Variants in PRCC observed in about 807,000 individuals in gnomAD.
PRCC encodes the protein proline rich mitotic checkpoint control factor, also known as proline-rich protein PRCC.
Under a neutral mutation model 44.0 loss-of-function variants are expected in PRCC, and 10 were observed. The ratio of observed to expected loss-of-function variants is 0.23; its 90% CI spans 0.14 to 0.39. PRCC has a LOEUF of 0.39. PRCC is among the 10% of genes least tolerant of loss of function. The pLI, the probability that PRCC is intolerant of heterozygous loss-of-function variation, is 1.00. For synonymous variants in PRCC, 278 were observed against 259.5 expected (o/e 1.07, Z -0.69); for missense variants, 573 against 624.7 (o/e 0.92, Z 0.88).
chr1:156,783,451 A>G (rs1035235913), intron 2 of PRCC, among the ~76,000 whole-genome samples: 1 of 152,180 alleles, frequency 6.6e-6, no homozygotes, highest in Non-Finnish European at 1.5e-5. Flanking sequence ...TCCTGCTTTT[A>G]TAAAGTGGCT....
chr1:156,780,948 C>T (rs1652028093), intron 1 of PRCC, among the ~76,000 whole-genome samples: 1 of 152,102 alleles, frequency 6.6e-6, no homozygotes, highest in South Asian at 2.1e-4. Context: ...AGGATGGTCT[C>T]AAACTCCTGA....
chr1:156,800,620 A>G lies in PRCC; in HGVS notation c.*160A>G. 1.5e-6 allele frequency: 1 copy of G among 687,800 alleles called. No individual in the cohort carries two copies. The highest frequency in any genetic ancestry group is 2.0e-5 in the South Asian group (1 of 50,326). The allele number at this position is 687,800 out of a possible 1,614,324, so 42.6% of individuals were successfully genotyped here. ...TGAACATATTTGATAGATTTTTCTT[A>G]ACAAGTTAGAAAATTCAGCTCCTTT... On this transcript the variant is annotated 3_prime_UTR_variant, in exon 7 of 7. Transcript: ENST00000271526.
chr1:156,800,310 G>T, intron 6 of PRCC, 64 bp from the exon 7 acceptor site: 1 of 1,485,220 alleles, frequency 6.7e-7, no homozygotes, highest in Non-Finnish European at 9.4e-7. Context: ...GCTCACAGAG[G>T]CAAGAGGACA....
In PRCC at chr1:156,786,959, C is replaced by CCATA. The variant is rs1652270552; in HGVS notation, c.870_873dup (p.Pro292IlefsTer10). On this transcript the variant is annotated frameshift_variant, in exon 3 of 7. Coordinates refer to ENST00000271526, the MANE Select transcript of PRCC (RefSeq NM_005973.5). LOFTEE classifies it high-confidence loss of function. ...AAAGGCTGAGCCACCTGGAGTTGAG[C>CCATA]CATACCCTTACCCCATCCCCACTGT... is the stretch of plus-strand genomic sequence containing the variant. The CCATA allele has an allele frequency of 6.2e-7, 1 of 1,614,084 alleles. No individual in the cohort carries two copies.
At chr1:156,779,103 AATATATAT>A (rs1491379076) in intron 1 of PRCC, among the ~76,000 whole-genome samples, 3 of 28,004 alleles carry the variant, frequency 1.1e-4, no homozygotes, top group Admixed American at 5.4e-4. Context: ...CCGGCCGGGT[AATATATAT>A]ATATATATAT....
At chr1:156,782,821 A>G (rs1220077145) in intron 2 of PRCC, among the ~76,000 whole-genome samples, 1 of 152,148 alleles carries the variant, frequency 6.6e-6, no homozygotes, top group Admixed American at 6.5e-5. Flanking sequence ...TCCCTGTTTT[A>G]CATATGAGGA....
chr1:156,776,972 G>A (rs1651849884), intron 1 of PRCC, among the ~76,000 whole-genome samples: 1 of 152,186 alleles, frequency 6.6e-6, no homozygotes, highest in South Asian at 2.1e-4. Flanking sequence ...TTTCTTGGGT[G>A]AGTTTGATAT....
chr1:156,767,984 C>T lies in PRCC; in HGVS notation c.213C>T (p.Pro71=), dbSNP rs768351061. The change falls in exon 1 of 7, where the codon CCC becomes CCT. Residue 71 remains proline (P), a synonymous_variant. Coordinates refer to ENST00000271526, the MANE Select transcript of PRCC (RefSeq NM_005973.5). ...CCCCGCCGCTGTTGCTTCCCCCACC[C>T]ACCGGAGACCCCAGGCTTCAGCCTC... ...AFPPPLLLPP[P]TGDPRLQPPP... is the part of the protein sequence containing the mutation. The T allele has an allele frequency of 2.5e-6, 4 of 1,579,088 alleles. No individual in the cohort carries two copies. The highest frequency in any genetic ancestry group is 2.3e-5 in the South Asian group (2 of 86,700).
Position 156,786,960 on chromosome 1 carries a change from C to T in PRCC, c.869C>T (p.Pro290Leu). The T allele has an allele frequency of 6.2e-7, 1 of 1,614,238 alleles. No homozygotes were observed. The highest frequency in any genetic ancestry group is 8.5e-7 in the Non-Finnish European group (1 of 1,180,052). ...AAGGCTGAGCCACCTGGAGTTGAGC[C>T]ATACCCTTACCCCATCCCCACTGTC... ...PEKAEPPGVE[P>L]YPYPIPTVPE... The change falls in exon 3 of 7, where the codon CCA becomes CTA. Residue 290 changes from proline (P) to leucine (L), a missense_variant. Transcript: ENST00000271526.
Position 156,791,685 on chromosome 1 carries a change from G to A in PRCC, c.1084-12G>A. On this transcript the variant is annotated splice_polypyrimidine_tract_variant and intron_variant, in intron 3 of 6. Transcript: ENST00000271526. ...CTCAGTTGGTGTGTTTTTCTTTCCT[G>A]TTTGGCTGCAGGATTATTACAGTGG... 1.9e-6 allele frequency: 3 copies of A among 1,605,918 alleles called. No individual in the cohort carries two copies. The highest frequency in any genetic ancestry group is 1.1e-5 in the South Asian group (1 of 89,686).
At chr1:156,785,078 TA>T (rs943200150) in intron 2 of PRCC, among the ~76,000 whole-genome samples, 15 of 152,206 alleles carry the variant, frequency 9.9e-5, no homozygotes, top group Admixed American at 9.8e-4. Context: ...CTAAAGATAC[TA>T]AAATTACATA....
chr1:156,797,209 A>G (rs545300877), intron 5 of PRCC, 67 bp from the exon 6 acceptor site: 9 of 1,600,540 alleles, frequency 5.6e-6, no homozygotes, highest in South Asian at 4.4e-5. Flanking sequence ...ACACCACACC[A>G]TCTGGGCACA....
intron 1 of PRCC, among the ~76,000 whole-genome samples, chr1:156,775,635 C>T (rs1053974557): frequency 2.0e-5 from 3 of 151,816 alleles, no homozygotes; most frequent in South Asian, 2.1e-4. Context: ...CTCAGCCTCC[C>T]GAGTAGCTGG....
rs1220812658 is a variant in PRCC at position 156,769,441 on chromosome 1, A to G, written c.468+1202A>G. Among the ~76,000 whole-genome samples the G allele has an allele frequency of 2.6e-5, 4 of 152,234 alleles. No individual in the cohort carries two copies. In the South Asian group the frequency reaches 6.2e-4, roughly 24 times the overall value. ...GGGATTAAAAAAAAAATTCACTGCT[A>G]TAACCCTAGTACTTAAAACAGTGCC... On this transcript the variant is annotated intron_variant, in intron 1 of 6. Transcript: ENST00000271526.
In PRCC at chr1:156,787,650, C is replaced by CTTTTTTTTTTTTTTTTTTTTT. The variant is rs56916626; in HGVS notation, c.1083+492_1083+493insTTTTTTTTTTTTTTTTTTTTT. Among the ~76,000 whole-genome samples, 38 of 54,168 alleles carry CTTTTTTTTTTTTTTTTTTTTT rather than the reference C, an allele frequency of 7.0e-4. 10 individuals are homozygous for CTTTTTTTTTTTTTTTTTTTTT. Among genetic ancestry groups the CTTTTTTTTTTTTTTTTTTTTT allele is most frequent in the African/African-American group, 3.4e-3 (37 of 11,028 alleles). The allele number at this position is 54,168 out of a possible 152,430, so 35.5% of individuals were successfully genotyped here. A position where few individuals can be genotyped will look rare whatever the true frequency, so the allele number is the denominator to read the frequency against. On this transcript the variant is annotated intron_variant, in intron 3 of 6. Transcript: ENST00000271526. The stretch of plus-strand genomic sequence containing the variant: ...AGTACCTGATAGGTAGGTTTTTGGC[C>CTTTTTTTTTTTTTTTTTTTTT]TTTTTTTTTTTTTTTTGGAGAAGGA...
intron 6 of PRCC, among the ~76,000 whole-genome samples, chr1:156,799,449 A>G (rs1037937789): frequency 1.3e-5 from 2 of 152,234 alleles, no homozygotes; most frequent in Non-Finnish European, 2.9e-5. Flanking sequence ...TTTAAGACTT[A>G]TTGAACTAAA....
At chr1:156,791,253 G>A in intron 3 of PRCC, 1 of 912,848 alleles carries the variant, frequency 1.1e-6, no homozygotes, top group Non-Finnish European at 1.6e-6. Flanking sequence ...GTATCCACAG[G>A]ACCAAACTAG....
intron 6 of PRCC, among the ~76,000 whole-genome samples, chr1:156,799,697 G>C (rs1652775197): frequency 6.6e-6 from 1 of 152,208 alleles, no homozygotes; most frequent in African/African-American, 2.4e-5. Flanking sequence ...TTCCAAAGGA[G>C]ATGAGCAGGC....
intron 4 of PRCC, among the ~76,000 whole-genome samples, chr1:156,794,428 T>C (rs957424838): frequency 6.6e-6 from 1 of 152,196 alleles, no homozygotes; most frequent in Non-Finnish European, 1.5e-5. Flanking sequence ...CTCTCATTCA[T>C]GTTTGGAGAT....
Sources: allele counts gnomAD v4.1 joint callset (sites outside exome capture counted in the v4.1 genomes callset), GRCh38; gene constraint gnomAD v4.1.1; transcripts MANE v1.5; gene names NCBI Gene and HGNC (gene_info 2026-07-23, HGNC 2026-07-21).